CHM: variants seen among roughly 807,000 people sequenced by gnomAD.
CHM encodes the protein CHM Rab escort protein, also known as rab proteins geranylgeranyltransferase component A 1.
In CHM, 10 loss-of-function variants were observed where a neutral mutation model predicts 49.0. The observed-to-expected ratio is 0.20, with a 90% CI of 0.13 to 0.35. The LOEUF (loss-of-function observed/expected upper bound fraction) is 0.35. Ranked by LOEUF, CHM falls within the 10% of genes least tolerant of loss-of-function variation. The pLI, the probability that CHM is intolerant of heterozygous loss-of-function variation, is 1.00. For missense variants in CHM, 455 were observed against 478.4 expected, an observed-to-expected ratio of 0.95 and a Z score of 0.46; for synonymous variants, 184 against 167.5, an observed-to-expected ratio of 1.10 and a Z score of -0.76.
chrX:85,929,491 C>T (rs1928294972), intron 8 of CHM, among the ~76,000 whole-genome samples: 1 of 111,803 alleles, frequency 8.9e-6, no homozygotes, highest in Non-Finnish European at 1.9e-5. Flanking sequence ...TATTTGTCTA[C>T]TGTCTCTCTG....
At chrX:85,866,075 A>G (rs768887239) in intron 14 of CHM, among the ~76,000 whole-genome samples, 2 of 112,895 alleles carry the variant, frequency 1.8e-5, no homozygotes, top group African/African-American at 6.4e-5. Flanking sequence ...AGCTGGCTAT[A>G]GCAATTTGCA....
intron 8 of CHM, among the ~76,000 whole-genome samples, chrX:85,937,262 C>CAA (rs1160612271): frequency 1.2e-3 from 53 of 42,683 alleles, no homozygotes; most frequent in African/African-American, 3.1e-3. Flanking sequence ...GAGACTCCGT[C>CAA]AAAAAAAAAA....
At position 85,962,320 on chromosome X, in the gene CHM, T is replaced by G. The variant is rs745365743; in HGVS notation, c.702+1345A>C. Among the ~76,000 whole-genome samples, 4 of 112,448 alleles carry G rather than the reference T, an allele frequency of 3.6e-5. No individual in the cohort carries two copies. In the South Asian group the frequency reaches 1.5e-3, roughly 42 times the overall value. ...GGAAAAAATGCTAGATTTCAAATCA[T>G]GACAGGGTCAAAGTAGATGGAGGTG... On this transcript the variant is annotated intron_variant, in intron 5 of 14. Coordinates refer to ENST00000357749, the MANE Select transcript of CHM (RefSeq NM_000390.4).
intron 2 of CHM, among the ~76,000 whole-genome samples, chrX:86,003,762 T>G (rs186445091): frequency 3.0e-4 from 34 of 111,608 alleles, no homozygotes; most frequent in African/African-American, 1.1e-3. Context: ...TGGGGCTATG[T>G]GAAAAGACCA....
intron 1 of CHM, among the ~76,000 whole-genome samples, chrX:86,028,095 T>C (rs1220023196): frequency 1.8e-5 from 2 of 112,177 alleles, no homozygotes; most frequent in Non-Finnish European, 3.8e-5. Flanking sequence ...CTGCTTAATT[T>C]GGCAAGAAAA....
chrX:85,938,382 C>T (rs993764986), intron 8 of CHM, among the ~76,000 whole-genome samples: 4 of 111,461 alleles, frequency 3.6e-5, no homozygotes, highest in Admixed American at 1.9e-4. Flanking sequence ...TGTTGCTGTG[C>T]TTATTTTATC....
chrX:86,006,875 C>G (rs779713286), intron 2 of CHM, among the ~76,000 whole-genome samples: 338 of 111,876 alleles, frequency 3.0e-3, no homozygotes, highest in Non-Finnish European at 4.6e-3. Flanking sequence ...CATCAAGCTA[C>G]CAATGACTTT....
chrX:85,894,397 G>GA, intron 11 of CHM, 113 bp from the exon 12 acceptor site: 1 of 528,449 alleles, frequency 1.9e-6, no homozygotes, highest in Non-Finnish European at 3.2e-6. Context: ...CATCATGTCT[G>GA]AAAAAAATAT....
intron 2 of CHM, among the ~76,000 whole-genome samples, chrX:86,023,351 CTCAAATCTTTGT>C (rs1423974249): frequency 4.5e-5 from 5 of 110,958 alleles, no homozygotes; most frequent in Non-Finnish European, 9.4e-5. Context: ...TCTTTCATCT[CTCAAATCTTTGT>C]ACATGTTGCT....
chrX:86,033,436 C>A (rs944777420), intron 1 of CHM, among the ~76,000 whole-genome samples: 6 of 111,857 alleles, frequency 5.4e-5, no homozygotes, highest in Non-Finnish European at 1.1e-4. Flanking sequence ...CAGTGAAGAC[C>A]AGAATGGAAA....
intron 9 of CHM, among the ~76,000 whole-genome samples, chrX:85,907,451 T>C (rs1926672571): frequency 8.9e-6 from 1 of 112,568 alleles, no homozygotes; most frequent in Non-Finnish European, 1.9e-5. Flanking sequence ...ACTGTTCAAC[T>C]AGAACATTCA....
intron 1 of CHM, among the ~76,000 whole-genome samples, chrX:86,044,374 A>G (rs1003621367): frequency 4.5e-5 from 5 of 112,333 alleles, no homozygotes; most frequent in Non-Finnish European, 7.5e-5. Flanking sequence ...GAAGTTGATA[A>G]CATTCCTTGT....
At chrX:85,867,978 C>T (rs1381329654) in intron 14 of CHM, among the ~76,000 whole-genome samples, 1 of 110,316 alleles carries the variant, frequency 9.1e-6, no homozygotes, top group Non-Finnish European at 1.9e-5. Flanking sequence ...TAATGATTAC[C>T]ACAATTAAGT....
intron 2 of CHM, among the ~76,000 whole-genome samples, chrX:86,008,275 G>A (rs1288181180): frequency 1.8e-5 from 2 of 111,141 alleles, no homozygotes; most frequent in Non-Finnish European, 3.8e-5. Flanking sequence ...GGGGCTGGGG[G>A]AAGAATAGCA....
chrX:85,906,095 A>G (rs752677935), intron 9 of CHM, among the ~76,000 whole-genome samples: 1 of 112,034 alleles, frequency 8.9e-6, no homozygotes, highest in South Asian at 3.7e-4. Flanking sequence ...TACTTGTTGC[A>G]TGGATGGGTG....
chrX:85,871,305 A>AC (rs1491200070), intron 14 of CHM, among the ~76,000 whole-genome samples: 1 of 793 alleles, frequency 1.3e-3, no homozygotes, highest in Non-Finnish European at 8.8e-3. Context: ...AGACTGTCTC[A>AC]AAAAAAAAAA....
At chrX:85,998,527 A>C (rs1187526153) in intron 2 of CHM, among the ~76,000 whole-genome samples, 1 of 112,157 alleles carries the variant, frequency 8.9e-6, no homozygotes, top group Non-Finnish European at 1.9e-5. Context: ...TAATATACTT[A>C]GCCTACCTAA....
intron 1 of CHM, among the ~76,000 whole-genome samples, chrX:86,037,812 T>C (rs1419046434): frequency 9.0e-6 from 1 of 111,543 alleles, no homozygotes; most frequent in East Asian, 2.8e-4. Flanking sequence ...AAAAAGGTAT[T>C]ATCATATCCA....
At position 86,045,393 on chromosome X, in the gene CHM, C is replaced by T. The variant is rs765590130; in HGVS notation, c.49+2091G>A. On this transcript the variant is annotated intron_variant, in intron 1 of 14. Transcript: ENST00000357749. ...GAATGACTCTTTTATTCAATTTTTA[C>T]ACTTTTGATGTACCTAAAAGCAAAA... Among the ~76,000 whole-genome samples the T allele has an allele frequency of 5.4e-5, 6 of 112,102 alleles. No individual in the cohort carries two copies. In the East Asian group the frequency reaches 1.7e-3, roughly 31 times the overall value.
Sources: allele counts gnomAD v4.1 joint callset (sites outside exome capture counted in the v4.1 genomes callset), GRCh38; gene constraint gnomAD v4.1.1; transcripts MANE v1.5; gene names NCBI Gene and HGNC (gene_info 2026-07-23, HGNC 2026-07-21).